RMDN2: variants seen among roughly 807,000 people sequenced by gnomAD.
The protein encoded by RMDN2 is regulator of microtubule dynamics 2.
A neutral mutation model predicts 52.8 loss-of-function variants in RMDN2; 61 were observed. The ratio of observed to expected loss-of-function variants is 1.16; its 90% CI spans 0.94 to 1.43. The LOEUF (loss-of-function observed/expected upper bound fraction) is 1.43. Among genes scored for constraint, RMDN2 ranks in the 40% most tolerant of loss-of-function variants. The pLI, the probability that RMDN2 is intolerant of heterozygous loss-of-function variation, is 0.00. For synonymous variants in RMDN2, 180 were observed against 153.1 expected, an observed-to-expected ratio of 1.18 and a Z score of -1.30; for missense variants, 592 against 475.3, an observed-to-expected ratio of 1.25 and a Z score of -2.28.
In RMDN2 at chr2:38,017,719, C is replaced by A; in HGVS notation, c.*480C>A. ...TAATCAAAAGATGTGAATAAAATTA[C>A]AATAAAATACTGTTTTACCATCAAA... On this transcript the variant is annotated 3_prime_UTR_variant, in exon 11 of 11. Transcript: ENST00000354545. 2.6e-6 allele frequency: 1 copy of A among 384,988 alleles called. No homozygotes were observed. Among genetic ancestry groups the A allele is most frequent in the South Asian group, 2.6e-5 (1 of 38,756 alleles). The allele number at this position is 384,988 out of a possible 1,614,324, so 23.8% of individuals were successfully genotyped here.
intron 10 of RMDN2, among the ~76,000 whole-genome samples, chr2:38,024,265 C>T (rs1030442741): frequency 5.3e-5 from 8 of 152,054 alleles, no homozygotes; most frequent in Non-Finnish European, 1.2e-4. Flanking sequence ...TAAATGTCTT[C>T]GAATGTACAT....
chr2:37,957,676 T>G (rs1263117024), intron 2 of RMDN2, among the ~76,000 whole-genome samples: 1 of 152,202 alleles, frequency 6.6e-6, no homozygotes, highest in Admixed American at 6.5e-5. Context: ...ATTTTTACTT[T>G]TGTTGCAATT....
At chr2:37,937,874 C>T (rs1424801656) in intron 2 of RMDN2, among the ~76,000 whole-genome samples, 3 of 152,118 alleles carry the variant, frequency 2.0e-5, no homozygotes, top group Non-Finnish European at 4.4e-5. Flanking sequence ...ACTTGAATAC[C>T]CTTTATTTCT....
intron 2 of RMDN2, among the ~76,000 whole-genome samples, chr2:37,932,434 C>G (rs1666842420): frequency 6.6e-6 from 1 of 151,134 alleles, no homozygotes; most frequent in Non-Finnish European, 1.5e-5. Flanking sequence ...TAGTACAGAA[C>G]AAAATGAAAA....
At chr2:38,005,264 G>C (rs1321060283) in intron 10 of RMDN2, among the ~76,000 whole-genome samples, 1 of 152,228 alleles carries the variant, frequency 6.6e-6, no homozygotes, top group Non-Finnish European at 1.5e-5. Flanking sequence ...CTAGATCCCT[G>C]AGGAATCGCC....
chr2:37,992,499 T>C (rs6544127), intron 7 of RMDN2, among the ~76,000 whole-genome samples: 22,543 of 152,216 alleles, frequency 0.15, 1,747 homozygotes, highest in Non-Finnish European at 0.17. Flanking sequence ...TAAGTTTGTA[T>C]TACCTTCCAA....
intron 2 of RMDN2, among the ~76,000 whole-genome samples, chr2:37,940,839 C>T (rs997889666): frequency 2.0e-5 from 3 of 152,176 alleles, no homozygotes; most frequent in African/African-American, 7.2e-5. Context: ...TTAAAGCTTG[C>T]TCCTTTAGCT....
At chr2:38,008,905 G>T (rs1275118702) in intron 10 of RMDN2, among the ~76,000 whole-genome samples, 2 of 152,136 alleles carry the variant, frequency 1.3e-5, no homozygotes, top group African/African-American at 4.8e-5. Flanking sequence ...GTCTGGTGGT[G>T]ACAAAATCTC....
chr2:37,954,291 C>T (rs1669191168), intron 2 of RMDN2, among the ~76,000 whole-genome samples: 1 of 151,856 alleles, frequency 6.6e-6, no homozygotes, highest in African/African-American at 2.4e-5. Context: ...TGTTGTGAAG[C>T]TTTTGCATTA....
At chr2:38,059,601 G>A (rs1243877709) in intron 10 of RMDN2, among the ~76,000 whole-genome samples, 1 of 152,192 alleles carries the variant, frequency 6.6e-6, no homozygotes, top group Admixed American at 6.5e-5. Context: ...AAAAAGTAGA[G>A]CAAGGTAGGC....
chr2:37,952,006 T>C, intron 2 of RMDN2: 1 of 1,613,068 alleles, frequency 6.2e-7, no homozygotes, highest in Non-Finnish European at 8.5e-7. Context: ...TCTCCAATCA[T>C]GATTCCACAG....
At chr2:38,018,422 ATAAAGAG>A (rs1198458368), downstream of RMDN2, among the ~76,000 whole-genome samples, 6 of 152,384 alleles carry the variant, frequency 3.9e-5, no homozygotes, top group Admixed American at 1.3e-4. Context: ...GGAAATAATC[ATAAAGAG>A]TAAAGTGCAG....
chr2:37,938,487 A>G (rs1451224566), intron 2 of RMDN2, among the ~76,000 whole-genome samples: 1 of 152,138 alleles, frequency 6.6e-6, no homozygotes, highest in Admixed American at 6.5e-5. Context: ...TCCACTTTGT[A>G]CCTCTGGTAG....
intron 8 of RMDN2, among the ~76,000 whole-genome samples, chr2:38,000,369 A>G (rs564780234): frequency 6.6e-6 from 1 of 152,296 alleles, no homozygotes; most frequent in African/African-American, 2.4e-5. Flanking sequence ...AATAAATTGT[A>G]CCCATTTTAA....
At chr2:37,979,338 G>T (rs1233114372) in intron 4 of RMDN2, among the ~76,000 whole-genome samples, 2 of 152,186 alleles carry the variant, frequency 1.3e-5, no homozygotes, top group Non-Finnish European at 2.9e-5. Context: ...ATTATATTCA[G>T]TGTATAAGGA....
At chr2:37,962,190 C>T (rs901196183) in intron 2 of RMDN2, among the ~76,000 whole-genome samples, 8 of 152,214 alleles carry the variant, frequency 5.3e-5, no homozygotes, top group Non-Finnish European at 8.8e-5. Flanking sequence ...CTTGAGGAGG[C>T]AATCTGTCCC....
rs1666534995 is a variant in RMDN2 at position 37,929,326 on chromosome 2, A to G, written c.49A>G (p.Thr17Ala). The change falls in exon 2 of 11, where the codon ACT becomes GCT. Residue 17 changes from threonine (T) to alanine (A), a missense_variant. Coordinates refer to ENST00000354545, the MANE Select transcript of RMDN2 (RefSeq NM_001170791.3). ...GTTGATACTTGGCATCATGGTGGGC[A>G]CTGCTGGAATCAGCTTGCTGCTCTT... ...KELILGIMVG[T>A]AGISLLLLWY... 8 of 1,551,412 alleles carry G rather than the reference A, an allele frequency of 5.2e-6. No homozygotes were observed. The highest frequency in any genetic ancestry group is 7.0e-6 in the Non-Finnish European group (8 of 1,146,784).
Position 37,948,633 on chromosome 2 carries a change from A to G in RMDN2, c.452+18904A>G, listed in dbSNP as rs948735408. Among the ~76,000 whole-genome samples the G allele has an allele frequency of 1.7e-4, 26 of 152,316 alleles. No homozygotes were observed. The Middle Eastern group carries it at 0.01, about 60-fold the overall frequency. On this transcript the variant is annotated intron_variant, in intron 2 of 10. Transcript: ENST00000354545. The stretch of plus-strand genomic sequence containing the variant: ...AAAAAGCCAAAAGGAGGCAATTTGC[A>G]GACATTTAGAGGGTTAGGTAAGTTC...
At chr2:37,927,105 G>C (rs979464935) in intron 1 of RMDN2, among the ~76,000 whole-genome samples, 2 of 152,174 alleles carry the variant, frequency 1.3e-5, no homozygotes, top group African/African-American at 2.4e-5. Flanking sequence ...TGAACTGTTA[G>C]TCTTTAATTG....
Sources: allele counts gnomAD v4.1 joint callset (sites outside exome capture counted in the v4.1 genomes callset), GRCh38; gene constraint gnomAD v4.1.1; transcripts MANE v1.5; gene names NCBI Gene and HGNC (gene_info 2026-07-23, HGNC 2026-07-21).